TCP10L: variants seen among roughly 807,000 people sequenced by gnomAD.
The protein encoded by TCP10L is T-complex protein 10A homolog 1.
TCP10L carries 11 observed loss-of-function variants against 19.2 expected under a neutral mutation model. That is an observed-to-expected ratio of 0.57 (90% CI 0.36 to 0.95). The LOEUF is 0.95. Among genes scored for constraint, TCP10L ranks in the 40% least tolerant of loss-of-function variants. The pLI, the probability that TCP10L is intolerant of heterozygous loss-of-function variation, is 0.01. For synonymous variants in TCP10L, 96 were observed against 97.2 expected, an observed-to-expected ratio of 0.99 and a Z score of 0.07; for missense variants, 247 against 263.9, an observed-to-expected ratio of 0.94 and a Z score of 0.44.
chr21:32,577,854 C>G (rs948389992), intron 4 of TCP10L, among the ~76,000 whole-genome samples: 9 of 152,142 alleles, frequency 5.9e-5, no homozygotes, highest in Non-Finnish European at 4.4e-5. Flanking sequence ...GATTTACCCA[C>G]ATATTTATTG....
In TCP10L at chr21:32,576,780, A is replaced by AC. The variant is rs541034925; in HGVS notation, c.641dup (p.Val215CysfsTer49). ...CGAGGCCACCTTTCCATCTTCAGACACCCCCCCGTCTCTCTGCACAGGGAG... is the reference window on the plus strand; with the variant it reads ...CGAGGCCACCTTTCCATCTTCAGACACCCCCCCCGTCTCTCTGCACAGGGAG... On this transcript the variant is annotated frameshift_variant, in exon 5 of 5. Transcript: ENST00000300258. LOFTEE classifies it high-confidence loss of function. 1,184 of 1,609,992 alleles carry AC rather than the reference A, an allele frequency of 7.4e-4. 8 individuals carry two copies. The highest frequency in any genetic ancestry group is 8.3e-4 in the Middle Eastern group (5 of 6,044).
At position 32,584,187 on chromosome 21, in the gene TCP10L, C is replaced by T; in HGVS notation, c.118G>A (p.Glu40Lys). 6.2e-7 allele frequency: 1 copy of T among 1,614,010 alleles called. No individual in the cohort carries two copies. The highest frequency in any genetic ancestry group is 1.3e-5 in the African/African-American group (1 of 75,022). ...GGCATCTCCCCAGTGTTGCAGTCCT[C>T]CGTGAGAACCTCGGCTGCCACAGCT... ...KTAVAAEVLT[E>K]DCNTGEMPPL... Residue 40 changes from glutamate to lysine, a missense_variant, in exon 2 of 5, where the codon GAG (glutamate) becomes AAG (lysine). By Grantham distance (56) the Glu-to-Lys change is moderately conservative (BLOSUM62 1). Coordinates refer to ENST00000300258, the MANE Select transcript of TCP10L (RefSeq NM_144659.7).
intron 2 of TCP10L, 112 bp downstream of exon 2, chr21:32,584,049 T>G: frequency 1.5e-6 from 2 of 1,379,060 alleles, no homozygotes; most frequent in South Asian, 1.6e-5. Context: ...TGTCCCGGGG[T>G]GGTGCATTCC....
rs145818745 is a variant in TCP10L at position 32,584,746 on chromosome 21, G to T, written c.-1-441C>A. ...GAATGGTCTCAGGGTGTGAGCAGGT[G>T]TGAGTGGAGGGTCGCATGAGACACC... is the stretch of plus-strand genomic sequence containing the variant. On this transcript the variant is annotated intron_variant, in intron 1 of 4. Transcript: ENST00000300258. Among the ~76,000 whole-genome samples the T allele has an allele frequency of 3.8e-3, 571 of 152,218 alleles. 2 individuals are homozygous for T. Among genetic ancestry groups the T allele is most frequent in the Non-Finnish European group, 6.6e-3 (446 of 68,004 alleles).
chr21:32,578,048 G>A lies in TCP10L; in HGVS notation c.498+646C>T, dbSNP rs899920712. 7.9e-5 allele frequency among the ~76,000 whole-genome samples: 12 copies of A among 152,240 alleles called. No homozygotes were observed. The highest frequency in any genetic ancestry group is 2.9e-4 in the African/African-American group (12 of 41,458). ...TGTGGTTTAAGAACGCCTTTAAGCG[G>A]TTTTCCACCCTGGGTGGGCCAGGTG... On this transcript the variant is annotated intron_variant, in intron 4 of 4. Transcript: ENST00000300258. This position sits in a 1 kb window ranked among gnomAD's most constrained non-coding sequence, Gnocchi z 4.2.
rs1269311872 is a variant in TCP10L at position 32,578,688 on chromosome 21, G to A, written c.498+6C>T. On this transcript the variant is annotated splice_donor_region_variant and intron_variant, in intron 4 of 4. Coordinates refer to ENST00000300258, the MANE Select transcript of TCP10L (RefSeq NM_144659.7). The surrounding 1 kb of genome is among the most constrained non-coding windows in gnomAD (Gnocchi z 4.2). ...CTCTTTACAGATGATAAGCACAAAG[G>A]GTCACCTTTGGAGGAGCTGAATTGT... 1 of 1,613,010 alleles carries A rather than the reference G, an allele frequency of 6.2e-7. No homozygotes were observed. The highest frequency in any genetic ancestry group is 1.3e-5 in the African/African-American group (1 of 74,944).
rs2038434598 is a variant in TCP10L at position 32,576,459 on chromosome 21, C to T, written c.*315G>A. 1.5e-6 allele frequency: 1 copy of T among 659,800 alleles called. No individual in the cohort carries two copies. Among genetic ancestry groups the T allele is most frequent in the Admixed American group, 3.0e-5 (1 of 33,576 alleles). 40.9% of individuals were successfully genotyped at this position (659,800 alleles called of 1,614,324 possible). A position where few individuals can be genotyped will look rare whatever the true frequency, so the allele number is the denominator to read the frequency against. ...CAGCAAGACCCCAGGGCTCACCCAA[C>T]AGCCCGACACTCCATACTACAAGGT... is the stretch of plus-strand genomic sequence containing the variant. On this transcript the variant is annotated 3_prime_UTR_variant, in exon 5 of 5. Coordinates refer to ENST00000300258, the MANE Select transcript of TCP10L (RefSeq NM_144659.7).
At position 32,575,967 on chromosome 21, in the gene TCP10L, G is replaced by A. The variant is rs1305772347; in HGVS notation, c.*807C>T. On this transcript the variant is annotated 3_prime_UTR_variant, in exon 5 of 5. Transcript: ENST00000300258. ...CAGAGGGAAGTGACCGCTAGGATTCGGAATCTCCAGTCACGGCCCCTGGAG... is the reference window on the plus strand; with the variant it reads ...CAGAGGGAAGTGACCGCTAGGATTCAGAATCTCCAGTCACGGCCCCTGGAG... 3 of 242,416 alleles carry A rather than the reference G, an allele frequency of 1.2e-5. No homozygotes were observed. Among genetic ancestry groups the A allele is most frequent in the African/African-American group, 4.5e-5 (2 of 44,794 alleles). The allele number at this position is 242,416 out of a possible 1,614,324, so 15.0% of individuals were successfully genotyped here. A position where few individuals can be genotyped will look rare whatever the true frequency, so the allele number is the denominator to read the frequency against.
At chr21:32,580,475 C>CGTG (rs1469541940) in intron 3 of TCP10L, among the ~76,000 whole-genome samples, 1 of 77,844 alleles carries the variant, frequency 1.3e-5, no homozygotes, top group East Asian at 3.3e-4. Flanking sequence ...TCGGTGGGTG[C>CGTG]CTGTGTGTGT....
Position 32,582,451 on chromosome 21 carries a change from A to G in TCP10L, c.145-36T>C. 1 of 1,588,536 alleles carries G rather than the reference A, an allele frequency of 6.3e-7. No individual in the cohort carries two copies. The highest frequency in any genetic ancestry group is 8.6e-7 in the Non-Finnish European group (1 of 1,168,222). ...GAAGAGAACACCAGAAAAACCTCTC[A>G]GATGTCACAATGGGCACATTTATCT... is the stretch of plus-strand genomic sequence containing the variant. On this transcript the variant is annotated intron_variant, in intron 2 of 4. Coordinates refer to ENST00000300258, the MANE Select transcript of TCP10L (RefSeq NM_144659.7). This position sits in a 1 kb window ranked among gnomAD's most constrained non-coding sequence, Gnocchi z 4.2.
chr21:32,583,317 C>T (rs1486977788), intron 2 of TCP10L, among the ~76,000 whole-genome samples: 18 of 151,824 alleles, frequency 1.2e-4, no homozygotes, highest in African/African-American at 1.7e-4. Flanking sequence ...CGGCCGGGCG[C>T]GGTGGCTCAC....
Position 32,576,399 on chromosome 21 carries a change from G to A in TCP10L, c.*375C>T, listed in dbSNP as rs79387761. 3.1e-5 allele frequency: 31 copies of A among 1,006,740 alleles called. No homozygotes were observed. Among genetic ancestry groups the A allele is most frequent in the Non-Finnish European group, 4.3e-5 (30 of 692,828 alleles). The allele number at this position is 1,006,740 out of a possible 1,614,324, so 62.4% of individuals were successfully genotyped here. A position where few individuals can be genotyped will look rare whatever the true frequency, so the allele number is the denominator to read the frequency against. On this transcript the variant is annotated 3_prime_UTR_variant, in exon 5 of 5. Coordinates refer to ENST00000300258, the MANE Select transcript of TCP10L (RefSeq NM_144659.7). ...GGCAATGCCTTGAGCCCAAAGGCTG[G>A]GAGCACAAAGCCATCTTCAGCCATC...
At position 32,578,288 on chromosome 21, in the gene TCP10L, C is replaced by T. The variant is rs1313023391; in HGVS notation, c.498+406G>A. 2.0e-5 allele frequency among the ~76,000 whole-genome samples: 3 copies of T among 152,194 alleles called. No homozygotes were observed. Among genetic ancestry groups the T allele is most frequent in the African/African-American group, 4.8e-5 (2 of 41,456 alleles). Reference sequence around the variant, plus strand: ...CACCCCTGTTCAGAGGAGTCCACGCCGACAAGCAGCAGGTGCAAGACCGCA... The same window carrying T: ...CACCCCTGTTCAGAGGAGTCCACGCTGACAAGCAGCAGGTGCAAGACCGCA... On this transcript the variant is annotated intron_variant, in intron 4 of 4. Coordinates refer to ENST00000300258, the MANE Select transcript of TCP10L (RefSeq NM_144659.7). The surrounding 1 kb of genome is among the most constrained non-coding windows in gnomAD (Gnocchi z 4.2).
Position 32,581,570 on chromosome 21 carries a change from A to G in TCP10L, c.360+630T>C, listed in dbSNP as rs543822252. On this transcript the variant is annotated intron_variant, in intron 3 of 4. Transcript: ENST00000300258. ...GACACTGCCGTGGGGTCAGAGCCCC[A>G]TAGCCTGCCGGTCTGTACACTCCCC... 9.9e-5 allele frequency among the ~76,000 whole-genome samples: 15 copies of G among 152,266 alleles called. No homozygotes were observed. The South Asian group carries it at 3.1e-3, about 32-fold the overall frequency.
At position 32,576,425 on chromosome 21, in the gene TCP10L, C is replaced by T; in HGVS notation, c.*349G>A. 1.2e-6 allele frequency: 1 copy of T among 830,536 alleles called. No individual in the cohort carries two copies. Among genetic ancestry groups the T allele is most frequent in the Non-Finnish European group, 1.8e-6 (1 of 542,372 alleles). 51.4% of individuals were successfully genotyped at this position (830,536 alleles called of 1,614,324 possible). On this transcript the variant is annotated 3_prime_UTR_variant, in exon 5 of 5. Coordinates refer to ENST00000300258, the MANE Select transcript of TCP10L (RefSeq NM_144659.7). ...GAGCACAAAGCCATCTTCAGCCATC[C>T]TCGATTTCCAGCAAGACCCCAGGGC...
At chr21:32,577,303 T>G (rs2833910) in intron 4 of TCP10L, 26,069 of 190,762 alleles carry the variant, frequency 0.14, 2,162 homozygotes, top group African/African-American at 0.25. Context: ...TGCCTGTGAT[T>G]AACTCAGGTC....
In TCP10L at chr21:32,576,247, A is replaced by G. The variant is rs983545827; in HGVS notation, c.*527T>C. 71 of 1,564,500 alleles carry G rather than the reference A, an allele frequency of 4.5e-5. 1 individual carries two copies. In the African/African-American group the frequency reaches 8.9e-4, roughly 20 times the overall value. ...GGCTGCTGCCATCTGCTCCTGCAGC[A>G]TGGCGGCCTGGGAAGCCTGCACTGG... is the stretch of plus-strand genomic sequence containing the variant. On this transcript the variant is annotated 3_prime_UTR_variant, in exon 5 of 5. Transcript: ENST00000300258.
intron 4 of TCP10L, chr21:32,577,551 C>T (rs148778628): frequency 6.6e-6 from 1 of 152,340 alleles, no homozygotes. Context: ...GGCGCCTTCT[C>T]CATCCACATC....
chr21:32,580,476 C>CTGTGTGTGTG (rs3056366), intron 3 of TCP10L, among the ~76,000 whole-genome samples: 5,299 of 137,234 alleles, frequency 0.039, 212 homozygotes, highest in African/African-American at 0.089. Flanking sequence ...CGGTGGGTGC[C>CTGTGTGTGTG]TGTGTGTGTG....
Sources: allele counts gnomAD v4.1 joint callset (sites outside exome capture counted in the v4.1 genomes callset), GRCh38; gene constraint gnomAD v4.1.1; non-coding constraint Gnocchi (gnomAD v3.1); transcripts MANE v1.5; gene names NCBI Gene and HGNC (gene_info 2026-07-23, HGNC 2026-07-21).